Variants in RAD50 observed in about 807,000 individuals in gnomAD.
RAD50 encodes DNA repair protein RAD50.
RAD50 carries 132 observed loss-of-function variants against 168.8 expected under a neutral mutation model. That is an observed-to-expected ratio of 0.78 (90% CI 0.68 to 0.90). The LOEUF is 0.90. Among genes scored for constraint, RAD50 ranks in the 40% least tolerant of loss-of-function variants. RAD50 has a pLI of 0.00. For synonymous variants in RAD50, 525 were observed against 497.4 expected (o/e 1.06, Z -0.74); for missense variants, 1,347 against 1,534.4 (o/e 0.88, Z 2.04).
chr5:132,567,542 G>A (rs1750229707), intron 2 of RAD50, among the ~76,000 whole-genome samples: 1 of 152,206 alleles, frequency 6.6e-6, no homozygotes. Context: ...CTGAAGTAGG[G>A]TTGTTGTGCA....
At chr5:132,619,839 TATATATATATATAAAG>T (rs58463746) in intron 21 of RAD50, among the ~76,000 whole-genome samples, 6,430 of 114,062 alleles carry the variant, frequency 0.056, 206 homozygotes, top group South Asian at 0.074. Flanking sequence ...TCTCTCTCTA[TATATATATATATAAAG>T]ATATATATAT....
chr5:132,572,632 TATAAG>T (rs1750326494), intron 2 of RAD50, among the ~76,000 whole-genome samples: 1 of 152,208 alleles, frequency 6.6e-6, no homozygotes, highest in African/African-American at 2.4e-5. Flanking sequence ...TTTTAGGTCT[TATAAG>T]ATGATGGTCA....
At chr5:132,630,046 T>TTC (rs1428002172) in intron 21 of RAD50, among the ~76,000 whole-genome samples, 1 of 151,030 alleles carries the variant, frequency 6.6e-6, no homozygotes, top group East Asian at 1.9e-4. Flanking sequence ...GGTAATACTT[T>TTC]TTTTTTTTTT....
chr5:132,569,251 T>C (rs949030523), intron 2 of RAD50, among the ~76,000 whole-genome samples: 1 of 152,128 alleles, frequency 6.6e-6, no homozygotes, highest in African/African-American at 2.4e-5. Context: ...AAAATAATTT[T>C]AAAAACCCAA....
chr5:132,608,809 TGAAATTAAATAGCATAA>T (rs1209702785), intron 17 of RAD50, 84 bp downstream of exon 17: 26 of 1,487,826 alleles, frequency 1.7e-5, no homozygotes, highest in Middle Eastern at 2.5e-4. Flanking sequence ...TTATTTCACA[TGAAATTAAATAGCATAA>T]GATAAATAGT....
At chr5:132,624,844 C>T (rs953943473) in intron 21 of RAD50, among the ~76,000 whole-genome samples, 1 of 128,872 alleles carries the variant, frequency 7.8e-6, no homozygotes, top group Non-Finnish European at 1.5e-5. Context: ...TGCACTCCAG[C>T]GTGGGTGACA....
chr5:132,614,285 A>G (rs987407060), intron 19 of RAD50, among the ~76,000 whole-genome samples: 1 of 152,230 alleles, frequency 6.6e-6, no homozygotes, highest in Non-Finnish European at 1.5e-5. Context: ...AAGCAGTAGC[A>G]CATTCCCTTG....
intron 3 of RAD50, among the ~76,000 whole-genome samples, chr5:132,578,299 C>T (rs1353285799): frequency 1.3e-5 from 2 of 152,176 alleles, no homozygotes; most frequent in African/African-American, 4.8e-5. Context: ...GAACCTAAGT[C>T]TTGATATGTC....
At chr5:132,590,796 T>C (rs748835379) in intron 9 of RAD50, among the ~76,000 whole-genome samples, 6 of 152,128 alleles carry the variant, frequency 3.9e-5, no homozygotes, top group Non-Finnish European at 7.3e-5. Flanking sequence ...ACTTCATCAG[T>C]GTTGTCTTGT....
chr5:132,597,901 TGAAAA>T (rs1282807851), intron 13 of RAD50, among the ~76,000 whole-genome samples: 2 of 152,024 alleles, frequency 1.3e-5, no homozygotes, highest in Non-Finnish European at 2.9e-5. Context: ...GGTAGTATCT[TGAAAA>T]GAAAAAGATC....
chr5:132,583,556 A>G (rs1238560068), intron 5 of RAD50, among the ~76,000 whole-genome samples: 1 of 152,130 alleles, frequency 6.6e-6, no homozygotes, highest in African/African-American at 2.4e-5. Context: ...TCCCATCCAT[A>G]GTAACCACTA....
At chr5:132,597,554 C>T (rs1310564963) in intron 13 of RAD50, among the ~76,000 whole-genome samples, 4 of 152,144 alleles carry the variant, frequency 2.6e-5, no homozygotes, top group African/African-American at 9.7e-5. Context: ...TGCAAGCAGC[C>T]CTCTGGAGAG....
intron 3 of RAD50, among the ~76,000 whole-genome samples, chr5:132,577,171 A>G (rs1750414840): frequency 6.6e-6 from 1 of 152,128 alleles, no homozygotes; most frequent in Admixed American, 6.5e-5. Flanking sequence ...CGTCTTTTAG[A>G]GGCCACCCAT....
At chr5:132,570,753 G>A (rs1472925515) in intron 2 of RAD50, among the ~76,000 whole-genome samples, 1 of 152,140 alleles carries the variant, frequency 6.6e-6, no homozygotes, top group African/African-American at 2.4e-5. Flanking sequence ...CTTATCATTT[G>A]TGTGTTCACT....
At chr5:132,559,485 T>G (rs1192145187) in intron 2 of RAD50, 118 bp downstream of exon 2, 2 of 960,208 alleles carry the variant, frequency 2.1e-6, no homozygotes, top group Non-Finnish European at 3.1e-6. Context: ...CACACAGTTT[T>G]AGCACCCAGT....
intron 21 of RAD50, among the ~76,000 whole-genome samples, chr5:132,635,429 G>C (rs1751561025): frequency 6.6e-6 from 1 of 152,176 alleles, no homozygotes; most frequent in Non-Finnish European, 1.5e-5. Flanking sequence ...AGACAGAGAG[G>C]ATACGAAGAT....
At chr5:132,621,524 C>T (rs1751285563) in intron 21 of RAD50, among the ~76,000 whole-genome samples, 1 of 152,046 alleles carries the variant, frequency 6.6e-6, no homozygotes, top group African/African-American at 2.4e-5. Flanking sequence ...TCTTTAGGTT[C>T]AGTTTTCTTT....
chr5:132,632,709 G>A (rs1247709821), intron 21 of RAD50, among the ~76,000 whole-genome samples: 1 of 152,202 alleles, frequency 6.6e-6, no homozygotes, highest in East Asian at 1.9e-4. Context: ...TAGAAATGGA[G>A]TTACTGGCTC....
At chr5:132,589,931 T>A in intron 9 of RAD50, 94 bp downstream of exon 9, 2 of 1,138,844 alleles carry the variant, frequency 1.8e-6, no homozygotes, top group Non-Finnish European at 2.5e-6. Flanking sequence ...AGCATTTTAA[T>A]AAAAACATCA....
Sources: gnomAD v4.1 joint callset for allele counts (sites outside exome capture counted in the v4.1 genomes callset) on GRCh38, gnomAD v4.1.1 for gene constraint, MANE v1.5 for transcripts, NCBI Gene and HGNC (gene_info 2026-07-23, HGNC 2026-07-21) for gene names.